The following CALN1 variants were observed in gnomAD, a reference collection of about 807,000 sequenced individuals.
CALN1 encodes the protein calneuron 1.
In CALN1, 17 loss-of-function variants were observed where a neutral mutation model predicts 30.6. The ratio of observed to expected loss-of-function variants is 0.56; its 90% CI spans 0.38 to 0.83. The LOEUF (loss-of-function observed/expected upper bound fraction) is 0.83. CALN1 is among the 40% of genes least tolerant of loss of function. The pLI is 0.00. For missense variants in CALN1, 291 were observed against 354.9 expected, an observed-to-expected ratio of 0.82 and a Z score of 1.45; for synonymous variants, 156 against 131.4, an observed-to-expected ratio of 1.19 and a Z score of -1.28.
At chr7:72,333,272 A>G (rs555756555) in intron 2 of CALN1, among the ~76,000 whole-genome samples, 1 of 152,278 alleles carries the variant, frequency 6.6e-6, no homozygotes, top group East Asian at 1.9e-4. Context: ...TGGCCTCCCC[A>G]CTAATCTGTG....
chr7:72,260,741 A>C (rs1040908504), intron 3 of CALN1, among the ~76,000 whole-genome samples: 3 of 151,988 alleles, frequency 2.0e-5, no homozygotes, highest in African/African-American at 7.3e-5. Context: ...AAGAAACACT[A>C]AGTTCTCAGA....
chr7:72,213,212 C>T (rs1792536234), intron 3 of CALN1, among the ~76,000 whole-genome samples: 1 of 152,202 alleles, frequency 6.6e-6, no homozygotes, highest in Non-Finnish European at 1.5e-5. Flanking sequence ...TTTGTTCAGA[C>T]GTTATCTTTG....
chr7:72,324,879 C>CA (rs1491127510), intron 2 of CALN1, among the ~76,000 whole-genome samples: 1 of 152,142 alleles, frequency 6.6e-6, no homozygotes, highest in African/African-American at 2.4e-5. Context: ...CCACTGCTCT[C>CA]AGTCTCAAAT....
At chr7:72,213,230 C>A (rs771559167) in intron 3 of CALN1, among the ~76,000 whole-genome samples, 4 of 152,194 alleles carry the variant, frequency 2.6e-5, no homozygotes, top group Non-Finnish European at 4.4e-5. Context: ...TTGTTCTCCG[C>A]TCTAGCAAGT....
intron 3 of CALN1, among the ~76,000 whole-genome samples, chr7:72,183,258 T>C (rs1789944180): frequency 6.6e-6 from 1 of 151,856 alleles, no homozygotes; most frequent in Non-Finnish European, 1.5e-5. Flanking sequence ...AGAGACGGGG[T>C]TTCACCACGT....
At chr7:72,391,547 ATCTTGAAT>A (rs1805580002) in intron 2 of CALN1, among the ~76,000 whole-genome samples, 1 of 152,076 alleles carries the variant, frequency 6.6e-6, no homozygotes, top group Admixed American at 6.6e-5. Flanking sequence ...CCCAAATCTC[ATCTTGAAT>A]TGTAGCTCCC....
intron 3 of CALN1, among the ~76,000 whole-genome samples, chr7:72,263,635 T>C (rs536202558): frequency 3.3e-5 from 5 of 152,176 alleles, no homozygotes; most frequent in South Asian, 4.1e-4. Context: ...AGGCTGGTCT[T>C]GAACCCCTGG....
intron 3 of CALN1, among the ~76,000 whole-genome samples, chr7:72,268,162 T>C (rs1453019641): frequency 2.0e-5 from 3 of 152,174 alleles, no homozygotes; most frequent in African/African-American, 7.2e-5. Flanking sequence ...ATTATGATGA[T>C]GACAACAGTG....
At chr7:72,384,009 T>C (rs917919642) in intron 2 of CALN1, among the ~76,000 whole-genome samples, 6 of 152,212 alleles carry the variant, frequency 3.9e-5, no homozygotes, top group Admixed American at 3.3e-4. Context: ...CATATGTTTA[T>C]TGCAGCACTA....
Position 72,126,434 on chromosome 7 carries a change from A to G in CALN1, c.245-20140T>C, listed in dbSNP as rs145747597. On this transcript the variant is annotated intron_variant, in intron 3 of 6. Transcript: ENST00000395275. ...CCACAAGGCTTGTTGGCTGCTATAA[A>G]CATGTGTGCGCATGTGTCTTTCTCA... 9.2e-5 allele frequency among the ~76,000 whole-genome samples: 14 copies of G among 151,930 alleles called. No individual in the cohort carries two copies. The East Asian group carries it at 2.7e-3, about 29-fold the overall frequency.
intron 6 of CALN1, among the ~76,000 whole-genome samples, chr7:71,790,424 G>GAAAGAAAGA (rs1040789927): frequency 2.6e-4 from 38 of 148,060 alleles, no homozygotes; most frequent in African/African-American, 8.4e-4. Context: ...AAGAAAGAAA[G>GAAAGAAAGA]AAGCAAGCAA....
At chr7:72,355,952 A>G (rs1226466367) in intron 2 of CALN1, among the ~76,000 whole-genome samples, 1 of 152,236 alleles carries the variant, frequency 6.6e-6, no homozygotes, top group Non-Finnish European at 1.5e-5. Context: ...AGTTGATTTG[A>G]AAAGAAAGAA....
chr7:72,028,954 G>A (rs1487192402), intron 4 of CALN1, among the ~76,000 whole-genome samples: 1 of 152,006 alleles, frequency 6.6e-6, no homozygotes, highest in Admixed American at 6.6e-5. Context: ...TGATGCCATT[G>A]GCCTCCAGCC....
intron 5 of CALN1, among the ~76,000 whole-genome samples, chr7:71,955,990 A>AT (rs10541876): frequency 0.012 from 1,744 of 145,612 alleles, 31 homozygotes; most frequent in African/African-American, 0.04. Context: ...TATGTTCTGG[A>AT]TTTTTTTTTT....
In CALN1 at chr7:71,787,485, T is replaced by C; in HGVS notation, c.*290A>G. 3.2e-6 allele frequency: 1 copy of C among 314,820 alleles called. No homozygotes were observed. The highest frequency in any genetic ancestry group is 6.1e-6 in the Non-Finnish European group (1 of 164,780). The allele number at this position is 314,820 out of a possible 1,614,324, so 19.5% of individuals were successfully genotyped here. On this transcript the variant is annotated 3_prime_UTR_variant, in exon 7 of 7. Transcript: ENST00000395275. ...CCGAGATGAAGATGAAGTTTTTCTC[T>C]AGAGTTATGACTGATGGTTGAAGCA...
intron 1 of CALN1, among the ~76,000 whole-genome samples, chr7:72,420,846 C>G (rs1174619884): frequency 2.6e-5 from 4 of 152,006 alleles, no homozygotes; most frequent in Admixed American, 6.6e-5. Flanking sequence ...GTCTCGATCT[C>G]CTAGTGATCC....
chr7:71,937,336 C>A (rs1013090007), intron 5 of CALN1, among the ~76,000 whole-genome samples: 3 of 151,352 alleles, frequency 2.0e-5, no homozygotes, highest in African/African-American at 7.3e-5. Context: ...CAAAAAAAAA[C>A]CCCATACGTA....
At chr7:72,109,324 G>C (rs561518514) in intron 3 of CALN1, among the ~76,000 whole-genome samples, 1 of 152,272 alleles carries the variant, frequency 6.6e-6, no homozygotes, top group African/African-American at 2.4e-5. Flanking sequence ...GCCTCAGTTT[G>C]TTCATGCGTA....
chr7:71,924,059 G>A (rs1448164036), intron 5 of CALN1, among the ~76,000 whole-genome samples: 2 of 152,060 alleles, frequency 1.3e-5, no homozygotes. Context: ...CAGGCATGGT[G>A]GCGGCCACCT....
Sources: gnomAD v4.1 joint callset for allele counts (sites outside exome capture counted in the v4.1 genomes callset) on GRCh38, gnomAD v4.1.1 for gene constraint, MANE v1.5 for transcripts, NCBI Gene and HGNC (gene_info 2026-07-23, HGNC 2026-07-21) for gene names.